Variants in CIZ1 observed in about 807,000 individuals in gnomAD.
CIZ1 encodes cip1-interacting zinc finger protein.
CIZ1 carries 58 observed loss-of-function variants against 118.6 expected under a neutral mutation model. That is an observed-to-expected ratio of 0.49 (90% CI 0.40 to 0.61). The LOEUF (loss-of-function observed/expected upper bound fraction) is 0.61. Among genes scored for constraint, CIZ1 ranks in the 20% least tolerant of loss-of-function variants. The pLI is 0.00. For missense variants in CIZ1, 921 were observed against 1,115.9 expected (o/e 0.83, Z 2.49); for synonymous variants, 448 against 443.4 (o/e 1.01, Z -0.13).
At chr9:128,187,842 T>C (rs1489507329) in intron 4 of CIZ1, 21 bp downstream of exon 4, 1 of 632,380 alleles carries the variant, frequency 1.6e-6, no homozygotes, top group Non-Finnish European at 2.9e-6. Flanking sequence ...TTTATATATA[T>C]ATATAAAAAG....
intron 11 of CIZ1, among the ~76,000 whole-genome samples, chr9:128,172,147 CAAAAAAAAAAAAAAAAAAAA>C (rs58895140): frequency 8.7e-5 from 6 of 69,170 alleles, no homozygotes; most frequent in African/African-American, 4.2e-4. Flanking sequence ...GACACTGTCT[CAAAAAAAAAAAAAAAAAAAA>C]AAAAAAAAAA....
chr9:128,180,616 C>G (rs1831461571), intron 6 of CIZ1, 93 bp from the exon 7 acceptor site: 11 of 1,373,038 alleles, frequency 8.0e-6, no homozygotes, highest in African/African-American at 2.9e-5. Flanking sequence ...CGCCTTCCCA[C>G]CAAGAACCCC....
In CIZ1 at chr9:128,173,135, C is replaced by CTTT. The variant is rs957423189; in HGVS notation, c.1944-3031_1944-3029dup. ...GCATGCCACCAGGCCTGGCTAATTT[C>CTTT]TTTTTTTTTTTTTTTTTTTTTTTTT... is the stretch of plus-strand genomic sequence containing the variant. On this transcript the variant is annotated intron_variant, in intron 11 of 16. Coordinates refer to ENST00000372938, the MANE Select transcript of CIZ1 (RefSeq NM_001131016.2). Among the ~76,000 whole-genome samples, 38 of 80,792 alleles carry CTTT rather than the reference C, an allele frequency of 4.7e-4. 1 individual carries two copies. The highest frequency in any genetic ancestry group is 9.3e-4 in the East Asian group (2 of 2,150). The allele number at this position is 80,792 out of a possible 152,430, so 53.0% of individuals were successfully genotyped here.
At chr9:128,196,296 C>T (rs1420776575), upstream of CIZ1, among the ~76,000 whole-genome samples, 1 of 151,860 alleles carries the variant, frequency 6.6e-6, no homozygotes, top group Middle Eastern at 3.2e-3. Flanking sequence ...ACCTATAATC[C>T]CAATAGTTTG....
At chr9:128,178,523 T>G in intron 8 of CIZ1, 33 bp from the exon 9 acceptor site, 1 of 1,613,742 alleles carries the variant, frequency 6.2e-7, no homozygotes, top group South Asian at 1.1e-5. Context: ...TTTCCCAGAG[T>G]CCCCAGGCCC....
intron 3 of CIZ1, among the ~76,000 whole-genome samples, chr9:128,189,362 C>T (rs899922335): frequency 2.6e-5 from 4 of 152,190 alleles, no homozygotes; most frequent in African/African-American, 9.7e-5. Flanking sequence ...TTCCCAGGAC[C>T]ACATCCATGT....
chr9:128,191,986 A>G, upstream of CIZ1: 1 of 1,278,952 alleles, frequency 7.8e-7, no homozygotes, highest in Non-Finnish European at 1.0e-6. The surrounding 1 kb of genome is among the most constrained non-coding windows in gnomAD (Gnocchi z 5.5). Flanking sequence ...AAGGTCTTAC[A>G]GTCCGTCAGG....
chr9:128,191,911 G>A (rs1233360610), upstream of CIZ1: 1 of 1,439,506 alleles, frequency 6.9e-7, no homozygotes, highest in South Asian at 1.3e-5. This position sits in a 1 kb window ranked among gnomAD's most constrained non-coding sequence, Gnocchi z 5.5. Context: ...GCTGCGGTGA[G>A]AGGGGGCGCG....
At chr9:128,199,656 G>A (rs1250472467) in intron 1 of CIZ1, among the ~76,000 whole-genome samples, 5 of 151,972 alleles carry the variant, frequency 3.3e-5, no homozygotes, top group Admixed American at 1.3e-4. Context: ...AGGGAGCTGC[G>A]ATTGTGCTAC....
chr9:128,191,915 G>C, upstream of CIZ1: 1 of 1,438,106 alleles, frequency 7.0e-7, no homozygotes, highest in Non-Finnish European at 9.1e-7. This position sits in a 1 kb window ranked among gnomAD's most constrained non-coding sequence, Gnocchi z 5.5. Flanking sequence ...CGGTGAGAGG[G>C]GGCGCGCAGT....
At chr9:128,190,599 G>T in intron 2 of CIZ1, 89 bp downstream of exon 2, 1 of 1,472,170 alleles carries the variant, frequency 6.8e-7, no homozygotes, top group Non-Finnish European at 9.1e-7. Flanking sequence ...AACGGGGATG[G>T]CACTGGGAAA....
At chr9:128,187,312 T>C (rs946342818) in intron 4 of CIZ1, among the ~76,000 whole-genome samples, 1 of 152,130 alleles carries the variant, frequency 6.6e-6, no homozygotes, top group African/African-American at 2.4e-5. Flanking sequence ...GCTTGGGAAG[T>C]ATTTAAGGGA....
At chr9:128,195,904 C>T (rs1190746143), upstream of CIZ1, among the ~76,000 whole-genome samples, 1 of 152,128 alleles carries the variant, frequency 6.6e-6, no homozygotes, top group Admixed American at 6.6e-5. Context: ...CTCGCTCTGT[C>T]GCCCAAGCTG....
intron 13 of CIZ1, 24 bp downstream of exon 13, chr9:128,169,382 G>C (rs375729289): frequency 6.3e-7 from 1 of 1,589,468 alleles, no homozygotes; most frequent in African/African-American, 1.3e-5. Context: ...CTGGGCCCAT[G>C]TCCTCTGAGG....
In CIZ1 at chr9:128,179,278, C is replaced by T. The variant is rs200014240; in HGVS notation, c.929G>A (p.Arg310Gln). 2.6e-4 allele frequency: 418 copies of T among 1,614,114 alleles called. 1 individual carries two copies. In the East Asian group the frequency reaches 8.8e-3, roughly 34 times the overall value. Reference protein sequence around the residue: ...PEALEAQVLPRFQPRVLQVQA... With the variant: ...PEALEAQVLPQFQPRVLQVQA... ...GACCTGCAGGACCCGTGGCTGGAAT[C>T]GTGGCAGCACTTGGGCTTCCAGGGC... is the stretch of plus-strand genomic sequence containing the variant. The change falls in exon 8 of 17, where the codon CGA becomes CAA. Residue 310 changes from arginine (R) to glutamine (Q), a missense_variant. Arg to Gln is a conservative substitution (Grantham distance 43). Coordinates refer to ENST00000372938, the MANE Select transcript of CIZ1 (RefSeq NM_001131016.2).
Position 128,166,221 on chromosome 9 carries a change from C to G in CIZ1, c.2673G>C (p.Arg891=). ...TARPSQPPLP[R]RSTRLKT ...ATCAGGTTTTGAGGCGGGTTGAGCGCCGAGGTAGTGGGGGCTGGGAGGGTC... is the reference window on the plus strand; with the variant it reads ...ATCAGGTTTTGAGGCGGGTTGAGCGGCGAGGTAGTGGGGGCTGGGAGGGTC... The change falls in exon 17 of 17, where the codon CGG becomes CGC. Residue 891 remains arginine (R), a synonymous_variant. Transcript: ENST00000372938. This position sits in a 1 kb window ranked among gnomAD's most constrained non-coding sequence, Gnocchi z 4.4. 6.9e-7 allele frequency: 1 copy of G among 1,457,220 alleles called. No individual in the cohort carries two copies. Among genetic ancestry groups the G allele is most frequent in the Non-Finnish European group, 9.2e-7 (1 of 1,089,962 alleles). The allele number at this position is 1,457,220 out of a possible 1,614,324, so 90.3% of individuals were successfully genotyped here. A position where few individuals can be genotyped will look rare whatever the true frequency, so the allele number is the denominator to read the frequency against.
At position 128,178,438 on chromosome 9, in the gene CIZ1, C is replaced by T. The variant is rs750241334; in HGVS notation, c.1551G>A (p.Glu517=). The change falls in exon 9 of 17, where the codon GAG becomes GAA. Residue 517 remains glutamate (E), a synonymous_variant. Coordinates refer to ENST00000372938, the MANE Select transcript of CIZ1 (RefSeq NM_001131016.2). ...EPVGTQVSME[E]IQNESACGLD... ...GGCCACAGGCCGACTCATTCTGAATCTCTTCCATGCTGACTTGGGTGCCCA... is the reference window on the plus strand; with the variant it reads ...GGCCACAGGCCGACTCATTCTGAATTTCTTCCATGCTGACTTGGGTGCCCA... 1.4e-5 allele frequency: 23 copies of T among 1,614,116 alleles called. No individual in the cohort carries two copies. The highest frequency in any genetic ancestry group is 1.9e-5 in the Non-Finnish European group (22 of 1,180,006).
In CIZ1 at chr9:128,185,598, C is replaced by G; in HGVS notation, c.537G>C (p.Arg179=). 1.3e-6 allele frequency: 2 copies of G among 1,533,532 alleles called. No individual in the cohort carries two copies. The highest frequency in any genetic ancestry group is 2.0e-5 in the Admixed American group (1 of 48,826). The allele number at this position is 1,533,532 out of a possible 1,614,324, so 95.0% of individuals were successfully genotyped here. ...MNPSQFNLSG[R]NPQKQARTSS... is the part of the protein sequence containing the mutation. ...AGGTCCGGGCCTGTTTCTGGGGGTTCCGTCCTGAAAGGTTGAACTGGGAAG... is the reference window on the plus strand; with the variant it reads ...AGGTCCGGGCCTGTTTCTGGGGGTTGCGTCCTGAAAGGTTGAACTGGGAAG... Residue 179 remains arginine (R), a synonymous_variant, in exon 5 of 17, where the codon CGG becomes CGC. Coordinates refer to ENST00000372938, the MANE Select transcript of CIZ1 (RefSeq NM_001131016.2).
At chr9:128,191,684 C>A (rs981387460), upstream of CIZ1, 15 of 1,283,578 alleles carry the variant, frequency 1.2e-5, no homozygotes, top group East Asian at 3.2e-5. The surrounding 1 kb of genome is among the most constrained non-coding windows in gnomAD (Gnocchi z 5.5). Flanking sequence ...CGCTGGGGGG[C>A]GGCTGCGGGG....
Sources: gnomAD v4.1 joint callset for allele counts (sites outside exome capture counted in the v4.1 genomes callset) on GRCh38, gnomAD v4.1.1 for gene constraint, Gnocchi (gnomAD v3.1) non-coding constraint, MANE v1.5 for transcripts, NCBI Gene and HGNC (gene_info 2026-07-23, HGNC 2026-07-21) for gene names.